Variants in APOL2 observed in about 807,000 individuals in gnomAD.
APOL2 encodes apolipoprotein L2.
In APOL2, 8 loss-of-function variants were observed where a neutral mutation model predicts 7.1. The observed-to-expected ratio is 1.12, with a 90% CI of 0.66 to 2.03. The LOEUF is 2.03. Ranked by LOEUF, APOL2 falls within the 30% of genes most tolerant of loss-of-function variation. The probability of loss-of-function intolerance (pLI) is 0.00; values close to 1 mark genes in which losing one functional copy is unlikely to be tolerated. For missense variants in APOL2, 471 were observed against 415.1 expected, an observed-to-expected ratio of 1.13 and a Z score of -1.17; for synonymous variants, 177 against 159.9, an observed-to-expected ratio of 1.11 and a Z score of -0.81.
intron 4 of APOL2, 136 bp from the exon 5 acceptor site, chr22:36,228,416 TAA>T (rs1569532450): frequency 0.012 from 13,850 of 1,179,012 alleles, 114 homozygotes; most frequent in Non-Finnish European, 0.014. Context: ...CAAATGGAAT[TAA>T]TTATCTTTCA....
In APOL2 at chr22:36,228,260, C is replaced by G. The variant is rs749979854; in HGVS notation, c.158G>C (p.Arg53Pro). Residue 53 changes from arginine to proline, a missense_variant, in exon 5 of 5, where the codon CGT becomes CCT. By Grantham distance (103) the Arg-to-Pro change is moderately radical (BLOSUM62 -2). Transcript: ENST00000358502. ...ELPRDEADEL[R>P]KALNKLASHM... ...ACTTGCAAGCTTGTTCAGAGCTTTA[C>G]GGAGCTCATCTGCCTCATCCCTGCA... 2.5e-6 allele frequency: 4 copies of G among 1,613,844 alleles called. No homozygotes were observed. Among genetic ancestry groups the G allele is most frequent in the East Asian group, 2.2e-5 (1 of 44,890 alleles).
At chr22:36,237,504 G>T in intron 1 of APOL2, 1 of 530,294 alleles carries the variant, frequency 1.9e-6, no homozygotes, top group Non-Finnish European at 2.5e-6. Context: ...GAGCCCCTGG[G>T]CTCAAGTGAT....
chr22:36,229,176 C>G (rs1477902443), intron 4 of APOL2, among the ~76,000 whole-genome samples: 2 of 152,200 alleles, frequency 1.3e-5, no homozygotes, highest in Non-Finnish European at 2.9e-5. Flanking sequence ...ATGCTCCTCA[C>G]CCCCACCACT....
At chr22:36,235,380 C>G (rs2015361568) in intron 1 of APOL2, among the ~76,000 whole-genome samples, 1 of 151,978 alleles carries the variant, frequency 6.6e-6, no homozygotes, top group African/African-American at 2.4e-5. Context: ...AGTGGGGAAA[C>G]AGACCAAGAT....
At chr22:36,237,471 C>T in intron 1 of APOL2, 5 of 865,606 alleles carry the variant, frequency 5.8e-6, no homozygotes, top group Non-Finnish European at 7.2e-6. Context: ...TGCTTTGGGG[C>T]TATCACAGCT....
At chr22:36,233,716 G>A (rs1024520586) in intron 1 of APOL2, among the ~76,000 whole-genome samples, 3 of 152,170 alleles carry the variant, frequency 2.0e-5, no homozygotes, top group Non-Finnish European at 4.4e-5. Context: ...GAACACAGAG[G>A]AATCCACAAA....
chr22:36,231,443 A>T lies in APOL2; in HGVS notation c.34T>A (p.Tyr12Asn). The change falls in exon 4 of 5, where the codon TAC becomes AAC. Residue 12 changes from tyrosine (Y) to asparagine (N), a missense_variant. Physicochemically the swap from Tyr to Asn is moderately radical, Grantham distance 143. Transcript: ENST00000358502. The part of the protein sequence containing the change: ...NPESSIFIED[Y>N]LKYFQDQVSR... ...ACTTGGTCCTGGAAATACTTAAGGT[A>T]ATCCTCAATAAAGATACTGCTCTCT... is the stretch of plus-strand genomic sequence containing the variant. 6.2e-7 allele frequency: 1 copy of T among 1,613,746 alleles called. No individual in the cohort carries two copies. Among genetic ancestry groups the T allele is most frequent in the Non-Finnish European group, 8.5e-7 (1 of 1,179,868 alleles).
At chr22:36,238,774 T>C (rs1040108662) in intron 1 of APOL2, among the ~76,000 whole-genome samples, 1 of 152,208 alleles carries the variant, frequency 6.6e-6, no homozygotes, top group Non-Finnish European at 1.5e-5. Flanking sequence ...GTTTCTTCTC[T>C]ATCAGCTCAG....
rs778310579 is a variant in APOL2, at chr22:36,239,460, A to G, written c.-153T>C. On this transcript the variant is annotated 5_prime_UTR_variant, in exon 1 of 5. Transcript: ENST00000358502. ...ACTTACCAAGGGATCTTCCTCTGACAGAGACTGAGCAAGATCCAACTGTTC... is the reference window on the plus strand; with the variant it reads ...ACTTACCAAGGGATCTTCCTCTGACGGAGACTGAGCAAGATCCAACTGTTC... 2.6e-6 allele frequency: 4 copies of G among 1,566,936 alleles called. No homozygotes were observed. The South Asian group carries it at 3.5e-5, about 14-fold the overall frequency.
intron 1 of APOL2, chr22:36,237,155 G>C: frequency 2.0e-6 from 3 of 1,519,794 alleles, no homozygotes; most frequent in Non-Finnish European, 2.6e-6. Context: ...TCTGCTGGGG[G>C]TTGAGGCTGG....
intron 4 of APOL2, among the ~76,000 whole-genome samples, chr22:36,229,828 C>A (rs1302871502): frequency 6.6e-6 from 1 of 152,240 alleles, no homozygotes; most frequent in African/African-American, 2.4e-5. Context: ...CCTTCCAATG[C>A]CTCATGCCCT....
chr22:36,227,271 G>A lies in APOL2; in HGVS notation c.*133C>T. On this transcript the variant is annotated 3_prime_UTR_variant, in exon 5 of 5. Transcript: ENST00000358502. ...GCGGAGTTTGCAGTGAGCCGAGATT[G>A]AGCCACTGCACTCCATCCTGGGCGA... is the stretch of plus-strand genomic sequence containing the variant. 1 of 1,121,766 alleles carries A rather than the reference G, an allele frequency of 8.9e-7. No individual in the cohort carries two copies. Among genetic ancestry groups the A allele is most frequent in the Non-Finnish European group, 1.2e-6 (1 of 830,768 alleles). The allele number at this position is 1,121,766 out of a possible 1,614,324, so 69.5% of individuals were successfully genotyped here.
At chr22:36,233,267 G>A (rs764191642) in intron 2 of APOL2, 26 bp from the exon 3 acceptor site, 36 of 1,612,978 alleles carry the variant, frequency 2.2e-5, no homozygotes, top group Non-Finnish European at 3.1e-5. Context: ...ACAAATTGTG[G>A]GATCGAAGGT....
chr22:36,228,959 G>A (rs942178663), intron 4 of APOL2, among the ~76,000 whole-genome samples: 1 of 152,168 alleles, frequency 6.6e-6, no homozygotes, highest in Non-Finnish European at 1.5e-5. Context: ...GGACACTAAG[G>A]CATGGGTTGA....
At chr22:36,237,958 C>T (rs780914378) in intron 1 of APOL2, among the ~76,000 whole-genome samples, 1 of 152,144 alleles carries the variant, frequency 6.6e-6, no homozygotes, top group African/African-American at 2.4e-5. Flanking sequence ...CCCCACTGTC[C>T]CCACCATGTG....
intron 1 of APOL2, among the ~76,000 whole-genome samples, chr22:36,235,873 G>C (rs181414534): frequency 2.6e-4 from 39 of 152,118 alleles, no homozygotes; most frequent in African/African-American, 8.9e-4. Flanking sequence ...AATCAACCCA[G>C]AGAGAAGGGA....
chr22:36,237,407 G>A (rs1319544790), intron 1 of APOL2: 7 of 1,211,438 alleles, frequency 5.8e-6, no homozygotes, highest in Non-Finnish European at 7.2e-6. Flanking sequence ...CTGAGAAATC[G>A]TCATTTTCAT....
At chr22:36,233,989 G>A (rs971658907) in intron 1 of APOL2, among the ~76,000 whole-genome samples, 9 of 152,148 alleles carry the variant, frequency 5.9e-5, no homozygotes, top group African/African-American at 2.2e-4. Context: ...ACAAAGACCT[G>A]GATCCTGCTA....
intron 4 of APOL2, among the ~76,000 whole-genome samples, chr22:36,230,651 G>T (rs1440949861): frequency 6.6e-6 from 1 of 152,120 alleles, no homozygotes; most frequent in Non-Finnish European, 1.5e-5. Flanking sequence ...ACCTGGAGTT[G>T]CCTCTAAGGC....
Sources: allele counts gnomAD v4.1 joint callset (sites outside exome capture counted in the v4.1 genomes callset), GRCh38; gene constraint gnomAD v4.1.1; transcripts MANE v1.5; gene names NCBI Gene and HGNC (gene_info 2026-07-23, HGNC 2026-07-21).